ATP11A: variants seen among roughly 807,000 people sequenced by gnomAD.
ATP11A encodes the protein ATPase phospholipid transporting 11A.
A neutral mutation model predicts 154.4 loss-of-function variants in ATP11A; 81 were observed. The ratio of observed to expected loss-of-function variants is 0.52; its 90% confidence interval spans 0.44 to 0.63. ATP11A has a LOEUF of 0.63. Among genes scored for constraint, ATP11A ranks in the 30% least tolerant of loss-of-function variants. The pLI is 0.00. For missense variants in ATP11A, 1,316 were observed against 1,474.3 expected (o/e 0.89, Z 1.76); for synonymous variants, 623 against 585.9 (o/e 1.06, Z -0.91).
intron 4 of ATP11A, 55 bp downstream of exon 4, chr13:112,806,348 C>A: frequency 7.3e-7 from 1 of 1,372,894 alleles, no homozygotes; most frequent in Non-Finnish European, 1.0e-6. Flanking sequence ...ATGTGAATTG[C>A]CTTTCATTCA....
chr13:112,723,101 C>T (rs1018439929), intron 1 of ATP11A, among the ~76,000 whole-genome samples: 3 of 151,850 alleles, frequency 2.0e-5, no homozygotes, highest in Non-Finnish European at 2.9e-5. Flanking sequence ...GTCTGACGCC[C>T]GCAGGCGGGA....
intron 5 of ATP11A, among the ~76,000 whole-genome samples, chr13:112,813,764 T>C (rs2078567948): frequency 6.6e-6 from 1 of 152,090 alleles, no homozygotes; most frequent in African/African-American, 2.4e-5. Context: ...GTGTTACTGC[T>C]GTTCCTGATG....
intron 1 of ATP11A, among the ~76,000 whole-genome samples, chr13:112,722,324 A>C (rs1035478652): frequency 6.6e-6 from 1 of 151,688 alleles, no homozygotes; most frequent in Non-Finnish European, 1.5e-5. Context: ...GGGGGCGGCC[A>C]GGGGAGAGGG....
At chr13:112,692,523 T>G (rs1885316998) in intron 1 of ATP11A, among the ~76,000 whole-genome samples, 1 of 152,258 alleles carries the variant, frequency 6.6e-6, no homozygotes, top group South Asian at 2.1e-4. Flanking sequence ...TAGCTTGCAT[T>G]TTTAATTCCC....
At chr13:112,755,618 G>A (rs944103813) in intron 1 of ATP11A, among the ~76,000 whole-genome samples, 1 of 152,030 alleles carries the variant, frequency 6.6e-6, no homozygotes, top group Non-Finnish European at 1.5e-5. Context: ...TCATGGAAGC[G>A]TCACTCAGAG....
rs144410088 is a variant in ATP11A, at chr13:112,789,934, G to A, written c.162+4677G>A. On this transcript the variant is annotated intron_variant, in intron 2 of 29. Coordinates refer to ENST00000375645, the MANE Select transcript of ATP11A (RefSeq NM_015205.3). Reference sequence around the variant, plus strand: ...ATTCACACCTGGCATCCTGACGTGTGGACTCCTATGTATACCTATTTAATT... The same window carrying A: ...ATTCACACCTGGCATCCTGACGTGTAGACTCCTATGTATACCTATTTAATT... 2.4e-3 allele frequency among the ~76,000 whole-genome samples: 329 copies of A among 139,140 alleles called. 1 individual carries two copies. Among genetic ancestry groups the A allele is most frequent in the Middle Eastern group, 5.1e-3 (1 of 198 alleles). The allele number at this position is 139,140 out of a possible 152,430, so 91.3% of individuals were successfully genotyped here. A position where few individuals can be genotyped will look rare whatever the true frequency, so the allele number is the denominator to read the frequency against.
At position 112,845,540 on chromosome 13, in the gene ATP11A, TGCTGGCACTAGCGGTACTAAC is replaced by T. The variant is rs2079565600; in HGVS notation, c.1809+3162_1809+3182del. The stretch of plus-strand genomic sequence containing the variant: ...CACTAGCGGTACTAACCAGTCCAGT[TGCTGGCACTAGCGGTACTAAC>T]CAGTCCAGTTGCCAGGCACTAGTGG... On this transcript the variant is annotated intron_variant, in intron 17 of 29. Coordinates refer to ENST00000375645, the MANE Select transcript of ATP11A (RefSeq NM_015205.3). Among the ~76,000 whole-genome samples, 10 of 123,946 alleles carry T rather than the reference TGCTGGCACTAGCGGTACTAAC, an allele frequency of 8.1e-5. 1 individual carries two copies. Among genetic ancestry groups the T allele is most frequent in the African/African-American group, 3.7e-4 (10 of 27,210 alleles). 81.3% of individuals were successfully genotyped at this position (123,946 alleles called of 152,430 possible).
intron 1 of ATP11A, among the ~76,000 whole-genome samples, chr13:112,727,274 T>G (rs892806893): frequency 6.6e-6 from 1 of 152,372 alleles, no homozygotes; most frequent in South Asian, 2.1e-4. Flanking sequence ...CTCAAACTCC[T>G]GACCTCAGGT....
chr13:112,693,051 A>C (rs1310347632), intron 1 of ATP11A, among the ~76,000 whole-genome samples: 1 of 152,218 alleles, frequency 6.6e-6, no homozygotes, highest in African/African-American at 2.4e-5. Context: ...GGGTGGCTAA[A>C]AGATAAAGAA....
intron 1 of ATP11A, among the ~76,000 whole-genome samples, chr13:112,780,157 T>C (rs2077462516): frequency 6.6e-6 from 1 of 152,094 alleles, no homozygotes; most frequent in Admixed American, 6.6e-5. Flanking sequence ...ACAACATTTT[T>C]ACTGAGGTAT....
At chr13:112,777,489 G>A (rs551267924) in intron 1 of ATP11A, among the ~76,000 whole-genome samples, 30 of 152,222 alleles carry the variant, frequency 2.0e-4, no homozygotes, top group African/African-American at 6.7e-4. Context: ...GCTTGAACCC[G>A]GGAGGCGAAG....
intron 1 of ATP11A, among the ~76,000 whole-genome samples, chr13:112,705,721 T>C (rs1887074763): frequency 6.6e-6 from 1 of 152,224 alleles, no homozygotes; most frequent in South Asian, 2.1e-4. Context: ...ATACAGAATG[T>C]ATGTGTTGCT....
At chr13:112,714,550 A>G (rs1490064359) in intron 1 of ATP11A, among the ~76,000 whole-genome samples, 1 of 152,156 alleles carries the variant, frequency 6.6e-6, no homozygotes, top group African/African-American at 2.4e-5. Context: ...CCTGACCTGG[A>G]GGCCCGTCTG....
chr13:112,832,591 A>G (rs2079124309), intron 13 of ATP11A, among the ~76,000 whole-genome samples: 1 of 151,450 alleles, frequency 6.6e-6, no homozygotes, highest in African/African-American at 2.4e-5. Flanking sequence ...AGCGCACGTG[A>G]AGCCTCTGTG....
Position 112,882,901 on chromosome 13 carries a change from C to T in ATP11A, c.*1035C>T, listed in dbSNP as rs1440326955. The T allele has an allele frequency of 4.3e-5, 17 of 398,722 alleles. No homozygotes were observed. The highest frequency in any genetic ancestry group is 6.2e-5 in the Non-Finnish European group (14 of 226,286). 24.7% of individuals were successfully genotyped at this position (398,722 alleles called of 1,614,324 possible). A position where few individuals can be genotyped will look rare whatever the true frequency, so the allele number is the denominator to read the frequency against. ...TGCACCAGAACCTGTCTCGGGCTGA[C>T]GGGGGTGGCACACAGGACACGGGTG... On this transcript the variant is annotated 3_prime_UTR_variant, in exon 30 of 30. Coordinates refer to ENST00000375645, the MANE Select transcript of ATP11A (RefSeq NM_015205.3). The surrounding 1 kb of genome is among the most constrained non-coding windows in gnomAD (Gnocchi z 5.1).
At chr13:112,828,748 G>T (rs919653633) in intron 12 of ATP11A, among the ~76,000 whole-genome samples, 2 of 152,160 alleles carry the variant, frequency 1.3e-5, no homozygotes, top group South Asian at 2.1e-4. Flanking sequence ...TGACCTCCTC[G>T]TACACAAAGA....
rs201641974 is a variant in ATP11A, at chr13:112,862,491, G to A, written c.2907G>A (p.Thr969=). 43 of 1,614,136 alleles carry A rather than the reference G, an allele frequency of 2.7e-5. No individual in the cohort carries two copies. The highest frequency in any genetic ancestry group is 8.9e-5 in the East Asian group (4 of 44,890). The change falls in exon 25 of 30, where the codon ACG becomes ACA. Residue 969 remains threonine, a synonymous_variant. Transcript: ENST00000375645. Reference sequence around the variant, plus strand: ...GCTGGCGCGTGTTCATCTACTGGACGCTCCTGGGACTGTTTGACGCACTGG... The same window carrying A: ...GCTGGCGCGTGTTCATCTACTGGACACTCCTGGGACTGTTTGACGCACTGG... ...LLRWRVFIYW[T]LLGLFDALVF... is the part of the protein sequence containing the mutation.
chr13:112,881,615 G>C (rs2080886873), intron 29 of ATP11A: 7 of 1,187,208 alleles, frequency 5.9e-6, no homozygotes, highest in Non-Finnish European at 7.4e-6. Context: ...TTCCTAGACA[G>C]AGACCCCTCG....
At chr13:112,834,760 CTCCCACAATTCGCTTCCTCTCCT>C in intron 15 of ATP11A, 100 bp downstream of exon 15, 1 of 956,348 alleles carries the variant, frequency 1.0e-6, no homozygotes, top group Non-Finnish European at 1.6e-6. Flanking sequence ...TCTCTATGTT[CTCCCACAATTCGCTTCCTCTCCT>C]TCCCAGTGAC....
Sources: allele counts gnomAD v4.1 joint callset (sites outside exome capture counted in the v4.1 genomes callset), GRCh38; gene constraint gnomAD v4.1.1; non-coding constraint Gnocchi (gnomAD v3.1); transcripts MANE v1.5; gene names NCBI Gene and HGNC (gene_info 2026-07-23, HGNC 2026-07-21).